CACNA1H: variants seen among roughly 807,000 people sequenced by gnomAD.
CACNA1H encodes the protein voltage-dependent T-type calcium channel subunit alpha-1H.
In CACNA1H, 149 loss-of-function variants were observed where a neutral mutation model predicts 192.5. The ratio of observed to expected loss-of-function variants is 0.77; its 90% CI spans 0.68 to 0.89. CACNA1H has a LOEUF of 0.89. Ranked by LOEUF, CACNA1H falls within the 40% of genes least tolerant of loss-of-function variation. The probability of loss-of-function intolerance (pLI) is 0.00; values close to 1 mark genes in which losing one functional copy is unlikely to be tolerated. For synonymous variants in CACNA1H, 2,202 were observed against 1,475.2 expected, an observed-to-expected ratio of 1.49 and a Z score of -11.29; for missense variants, 4,257 against 3,423.5, an observed-to-expected ratio of 1.24 and a Z score of -6.08.
chr16:1,179,447 C>T (rs1328294919), intron 2 of CACNA1H, among the ~76,000 whole-genome samples: 1 of 152,150 alleles, frequency 6.6e-6, no homozygotes, highest in Non-Finnish European at 1.5e-5. Context: ...CCGTCCTCCT[C>T]ATTTATTTAT....
At chr16:1,165,242 A>T (rs1004950062) in intron 2 of CACNA1H, among the ~76,000 whole-genome samples, 1 of 152,142 alleles carries the variant, frequency 6.6e-6, no homozygotes, top group Non-Finnish European at 1.5e-5. Flanking sequence ...TTGGAGGAAC[A>T]TTCTAGAAGC....
At position 1,221,113 on chromosome 16, in the gene CACNA1H, C is replaced by A; in HGVS notation, c.*119C>A. 1 of 769,922 alleles carries A rather than the reference C, an allele frequency of 1.3e-6. No homozygotes were observed. Among genetic ancestry groups the A allele is most frequent in the Admixed American group, 3.0e-5 (1 of 33,530 alleles). 47.7% of individuals were successfully genotyped at this position (769,922 alleles called of 1,614,324 possible). ...TGGGTCCCGTCGTGAGCAGAAAGGC[C>A]CGGGGAGGATGACGGCCCAGGCCCT... On this transcript the variant is annotated 3_prime_UTR_variant, in exon 35 of 35. Transcript: ENST00000348261.
intron 2 of CACNA1H, among the ~76,000 whole-genome samples, chr16:1,161,288 C>A (rs541202130): frequency 1.1e-4 from 17 of 152,206 alleles, no homozygotes; most frequent in Admixed American, 9.8e-4. Context: ...ACGCTGTCAA[C>A]TGAGCCGGTG....
intron 2 of CACNA1H, among the ~76,000 whole-genome samples, chr16:1,176,896 G>T (rs1964943164): frequency 6.6e-6 from 1 of 152,178 alleles, no homozygotes; most frequent in Non-Finnish European, 1.5e-5. Flanking sequence ...TCTGAGGGCT[G>T]AGTGTCTGCT....
intron 2 of CACNA1H, among the ~76,000 whole-genome samples, chr16:1,177,411 G>A (rs981802186): frequency 6.6e-6 from 1 of 152,226 alleles, no homozygotes; most frequent in African/African-American, 2.4e-5. Context: ...GCGTCTGACC[G>A]AGGCCCACCC....
intron 5 of CACNA1H, among the ~76,000 whole-genome samples, 166 bp downstream of exon 5, chr16:1,196,189 C>T (rs1335548348): frequency 6.6e-6 from 1 of 152,272 alleles, no homozygotes; most frequent in Admixed American, 6.5e-5. Flanking sequence ...CTGCCGCTAT[C>T]CGTGGGCCTT....
In CACNA1H at chr16:1,153,921, C is replaced by T; in HGVS notation, c.184C>T (p.Leu62=). Residue 62 remains leucine (L), a synonymous_variant, in exon 2 of 35, where the codon CTG becomes TTG. Transcript: ENST00000348261. Reference sequence around the variant, plus strand: ...CCCGGCGGCCGAGCGCGGCGCGGAGCTGGGTGCCGACGAGGAGCAGCGCGT... The same window carrying T: ...CCCGGCGGCCGAGCGCGGCGCGGAGTTGGGTGCCGACGAGGAGCAGCGCGT... ...ESPAAERGAE[L]GADEEQRVPY... is the part of the protein sequence containing the mutation. 1.4e-6 allele frequency: 2 copies of T among 1,457,142 alleles called. No individual in the cohort carries two copies. The highest frequency in any genetic ancestry group is 1.8e-6 in the Non-Finnish European group (2 of 1,105,796). 90.3% of individuals were successfully genotyped at this position (1,457,142 alleles called of 1,614,324 possible). A position where few individuals can be genotyped will look rare whatever the true frequency, so the allele number is the denominator to read the frequency against.
Position 1,220,442 on chromosome 16 carries a change from C to A in CACNA1H, c.6510C>A (p.Ala2170=). ...GCGGGGAGCCTGGGGAGGCGAAGGCCTGGGGCCCTGAGGCCGAGCCCGCTC... is the reference window on the plus strand; with the variant it reads ...GCGGGGAGCCTGGGGAGGCGAAGGCATGGGGCCCTGAGGCCGAGCCCGCTC... ...LGSGEPGEAK[A]WGPEAEPALG... is the part of the protein sequence containing the mutation. The change falls in exon 35 of 35, where the codon GCC becomes GCA. Residue 2170 remains alanine (A), a synonymous_variant. Coordinates refer to ENST00000348261, the MANE Select transcript of CACNA1H (RefSeq NM_021098.3). The A allele has an allele frequency of 6.5e-7, 1 of 1,539,956 alleles. No homozygotes were observed. Among genetic ancestry groups the A allele is most frequent in the Admixed American group, 2.2e-5 (1 of 45,374 alleles).
At chr16:1,202,531 A>C in intron 9 of CACNA1H, 79 bp downstream of exon 9, 1 of 1,286,180 alleles carries the variant, frequency 7.8e-7, no homozygotes, top group African/African-American at 1.5e-5. Flanking sequence ...TGTCATTCCC[A>C]CACCCATTGT....
chr16:1,213,955 G>T, intron 27 of CACNA1H, 24 bp downstream of exon 27: 3 of 1,593,948 alleles, frequency 1.9e-6, no homozygotes, highest in Non-Finnish European at 8.5e-7. Context: ...GGCCGCGAGG[G>T]GCCCAGGGGC....
chr16:1,203,997 C>T lies in CACNA1H; in HGVS notation c.2003-13C>T, dbSNP rs1318139734. 5.9e-6 allele frequency: 9 copies of T among 1,521,518 alleles called. No individual in the cohort carries two copies. Among genetic ancestry groups the T allele is most frequent in the Admixed American group, 2.0e-5 (1 of 49,732 alleles). The allele number at this position is 1,521,518 out of a possible 1,614,324, so 94.3% of individuals were successfully genotyped here. On this transcript the variant is annotated splice_polypyrimidine_tract_variant and intron_variant, in intron 9 of 34. Coordinates refer to ENST00000348261, the MANE Select transcript of CACNA1H (RefSeq NM_021098.3). Reference sequence around the variant, plus strand: ...CTGAGTGGGCCTGCCCCTGTCTGTGCCCTCTCCCGCAGGACTGGGCCAGGC... The same window carrying T: ...CTGAGTGGGCCTGCCCCTGTCTGTGTCCTCTCCCGCAGGACTGGGCCAGGC...
chr16:1,205,377 C>G (rs760012795), intron 11 of CACNA1H, 112 bp downstream of exon 11: 3 of 1,186,124 alleles, frequency 2.5e-6, no homozygotes, highest in Non-Finnish European at 3.5e-6. Context: ...GACGATAGCT[C>G]TTTATGACAG....
chr16:1,173,144 C>T (rs1207440454), intron 2 of CACNA1H, among the ~76,000 whole-genome samples: 3 of 152,034 alleles, frequency 2.0e-5, no homozygotes, highest in African/African-American at 7.2e-5. Context: ...GAGGTCCTAG[C>T]GTGTTTAAGC....
In CACNA1H at chr16:1,206,100, G is replaced by A. The variant is rs543668710; in HGVS notation, c.2604-4G>A. On this transcript the variant is annotated splice_region_variant and splice_polypyrimidine_tract_variant and intron_variant, in intron 11 of 34. Coordinates refer to ENST00000348261, the MANE Select transcript of CACNA1H (RefSeq NM_021098.3). ...CGCTGACCCTCGCCCCCACCTGTCC[G>A]CAGCGTCTGGGAGATCGTGGGGCAG... 3.8e-5 allele frequency: 60 copies of A among 1,566,906 alleles called. No homozygotes were observed. Among genetic ancestry groups the A allele is most frequent in the South Asian group, 1.6e-4 (14 of 85,398 alleles).
intron 2 of CACNA1H, among the ~76,000 whole-genome samples, chr16:1,169,383 G>A (rs963408213): frequency 5.3e-5 from 8 of 152,334 alleles, no homozygotes; most frequent in South Asian, 2.1e-4. Flanking sequence ...CACAGGTGTC[G>A]TGGACTGGGC....
intron 34 of CACNA1H, among the ~76,000 whole-genome samples, chr16:1,219,562 G>C (rs547484818): frequency 1.1e-4 from 16 of 152,190 alleles, no homozygotes; most frequent in African/African-American, 2.7e-4. Context: ...TCCCAGCCTT[G>C]CCCACCTGCA....
At chr16:1,215,164 C>A in intron 28 of CACNA1H, 78 bp from the exon 29 acceptor site, 3 of 1,579,484 alleles carry the variant, frequency 1.9e-6, no homozygotes, top group Non-Finnish European at 2.6e-6. Context: ...CAGGCTTTCC[C>A]ACGGAGGTCT....
intron 2 of CACNA1H, among the ~76,000 whole-genome samples, chr16:1,181,211 G>A (rs531991414): frequency 2.6e-5 from 4 of 152,360 alleles, no homozygotes; most frequent in South Asian, 2.1e-4. Context: ...AAGCCTGGGG[G>A]CCCGCAGCAC....
chr16:1,176,619 G>A (rs181360224), intron 2 of CACNA1H, among the ~76,000 whole-genome samples: 51 of 152,320 alleles, frequency 3.3e-4, no homozygotes, highest in East Asian at 2.7e-3. Context: ...AAGGGGTTCC[G>A]GGTTTGTCTG....
Sources: gnomAD v4.1 joint callset for allele counts (sites outside exome capture counted in the v4.1 genomes callset) on GRCh38, gnomAD v4.1.1 for gene constraint, MANE v1.5 for transcripts, NCBI Gene and HGNC (gene_info 2026-07-23, HGNC 2026-07-21) for gene names.